Variants in TENM3 observed in about 807,000 individuals in gnomAD.
TENM3 encodes teneurin transmembrane protein 3, also known as teneurin-3.
A neutral mutation model predicts 255.1 loss-of-function variants in TENM3; 63 were observed. That is an observed-to-expected ratio of 0.25 (90% CI 0.20 to 0.30). TENM3 has a LOEUF of 0.30. Among genes scored for constraint, TENM3 ranks in the 10% least tolerant of loss-of-function variants. The pLI, the probability that TENM3 is intolerant of heterozygous loss-of-function variation, is 1.00. For missense variants in TENM3, 2,929 were observed against 3,461.1 expected (o/e 0.85, Z 3.86); for synonymous variants, 1,306 against 1,322.3 (o/e 0.99, Z 0.27).
chr4:182,575,133 C>T (rs188166448), intron 3 of TENM3, among the ~76,000 whole-genome samples: 1 of 152,190 alleles, frequency 6.6e-6, no homozygotes, highest in Admixed American at 6.5e-5. Flanking sequence ...ACCAGGAATA[C>T]AAGTAAAACT....
chr4:182,680,129 G>A (rs1013433348), intron 8 of TENM3, 119 bp from the exon 9 acceptor site: 2 of 792,722 alleles, frequency 2.5e-6, no homozygotes, highest in Admixed American at 2.2e-5. Context: ...CATTTGAAGT[G>A]ACAGTGCTTT....
the TENM3 span, among the ~76,000 whole-genome samples, chr4:181,767,626 A>T: frequency 6.6e-6 from 1 of 152,156 alleles, no homozygotes; most frequent in Non-Finnish European, 1.5e-5. Flanking sequence ...ATCCTATTCC[A>T]GAGAGTCTTA....
At chr4:182,662,240 C>A (rs1561071402) in intron 6 of TENM3, among the ~76,000 whole-genome samples, 1 of 152,036 alleles carries the variant, frequency 6.6e-6, no homozygotes, top group Non-Finnish European at 1.5e-5. Flanking sequence ...CACACTCTGA[C>A]AACTGTATTT....
chr4:181,574,386 C>A, the TENM3 span, among the ~76,000 whole-genome samples: 1 of 151,844 alleles, frequency 6.6e-6, no homozygotes, highest in South Asian at 2.1e-4. Flanking sequence ...AAAAAATTAG[C>A]CGGGCGCGGT....
chr4:181,944,590 G>A, the TENM3 span, among the ~76,000 whole-genome samples: 1 of 152,112 alleles, frequency 6.6e-6, no homozygotes, highest in Non-Finnish European at 1.5e-5. Context: ...AGAGAGTATA[G>A]GCCTGTTCTT....
the TENM3 span, among the ~76,000 whole-genome samples, chr4:182,111,134 T>A: frequency 6.6e-6 from 1 of 151,730 alleles, no homozygotes; most frequent in Non-Finnish European, 1.5e-5. Flanking sequence ...TTATGTAGAT[T>A]TTTATTAAAA....
chr4:182,331,132 T>C (rs902556509), intron 2 of TENM3, among the ~76,000 whole-genome samples: 1 of 152,168 alleles, frequency 6.6e-6, no homozygotes, highest in Non-Finnish European at 1.5e-5. Flanking sequence ...ACTAGCAGTC[T>C]GACCAATTTA....
At chr4:181,696,718 T>C in the TENM3 span, among the ~76,000 whole-genome samples, 52 of 152,320 alleles carry the variant, frequency 3.4e-4, no homozygotes, top group African/African-American at 9.9e-4. Flanking sequence ...TGAGTTATTA[T>C]GAGTTTCATT....
intron 1 of TENM3, among the ~76,000 whole-genome samples, chr4:182,302,466 G>C (rs989244556): frequency 6.6e-5 from 10 of 152,176 alleles, no homozygotes; most frequent in African/African-American, 2.2e-4. Flanking sequence ...ACTTCGCTGA[G>C]AGTTTGTGTT....
intron 3 of TENM3, among the ~76,000 whole-genome samples, chr4:182,488,538 T>C (rs1234947341): frequency 6.6e-6 from 1 of 152,182 alleles, no homozygotes; most frequent in Admixed American, 6.5e-5. Context: ...GTCAATTTCA[T>C]TTTGTTCTTT....
intron 1 of TENM3, among the ~76,000 whole-genome samples, chr4:182,244,412 G>A (rs1757513725): frequency 6.6e-6 from 1 of 152,190 alleles, no homozygotes; most frequent in African/African-American, 2.4e-5. Flanking sequence ...AGCCATACAT[G>A]TTAGAGTGAT....
the TENM3 span, among the ~76,000 whole-genome samples, chr4:181,788,273 T>C: frequency 6.6e-6 from 1 of 152,140 alleles, no homozygotes; most frequent in African/African-American, 2.4e-5. Flanking sequence ...TTATAATTAG[T>C]AATATATGTT....
At chr4:182,071,909 A>G in the TENM3 span, among the ~76,000 whole-genome samples, 3 of 152,186 alleles carry the variant, frequency 2.0e-5, no homozygotes, top group South Asian at 4.1e-4. Context: ...CATCATATTC[A>G]AAAGATTCTT....
At chr4:182,115,116 G>C in the TENM3 span, among the ~76,000 whole-genome samples, 3 of 152,164 alleles carry the variant, frequency 2.0e-5, no homozygotes. Context: ...AGGAGGCAGA[G>C]GTTACAGTGA....
chr4:181,771,161 A>G, the TENM3 span, among the ~76,000 whole-genome samples: 1 of 152,354 alleles, frequency 6.6e-6, no homozygotes, highest in East Asian at 1.9e-4. Context: ...TGGCCACAAT[A>G]TGCTTTAATG....
the TENM3 span, among the ~76,000 whole-genome samples, chr4:181,974,882 T>G: frequency 1.1e-4 from 16 of 152,282 alleles, no homozygotes; most frequent in South Asian, 2.3e-3. Flanking sequence ...AGTGTACCCA[T>G]CACCCAAATA....
chr4:182,537,740 C>T (rs77814928), intron 3 of TENM3, among the ~76,000 whole-genome samples: 7,190 of 152,170 alleles, frequency 0.047, 231 homozygotes, highest in Middle Eastern at 0.092. Flanking sequence ...AGTTACTTGA[C>T]GTTAATTTTC....
chr4:182,547,535 A>G (rs922059093), intron 3 of TENM3, among the ~76,000 whole-genome samples: 3 of 152,020 alleles, frequency 2.0e-5, no homozygotes, highest in Non-Finnish European at 2.9e-5. Flanking sequence ...TATTGAACAT[A>G]TTACGTCACC....
At chr4:182,461,784 T>A (rs1350224094) in intron 3 of TENM3, among the ~76,000 whole-genome samples, 1 of 152,220 alleles carries the variant, frequency 6.6e-6, no homozygotes, top group Non-Finnish European at 1.5e-5. Flanking sequence ...TGGCACTGGT[T>A]GATGCTCAGC....
Sources: allele counts gnomAD v4.1 joint callset (sites outside exome capture counted in the v4.1 genomes callset), GRCh38; gene constraint gnomAD v4.1.1; transcripts MANE v1.5; gene names NCBI Gene and HGNC (gene_info 2026-07-23, HGNC 2026-07-21).